Variants in CNOT6 observed in about 807,000 individuals in gnomAD.
The protein encoded by CNOT6 is CCR4-NOT transcription complex subunit 6, also known as carbon catabolite repression 4 protein.
Under a neutral mutation model 61.2 loss-of-function variants are expected in CNOT6, and 12 were observed. The observed-to-expected ratio is 0.20, with a 90% CI of 0.13 to 0.32. The LOEUF (loss-of-function observed/expected upper bound fraction) is 0.32. CNOT6 is among the 10% of genes least tolerant of loss of function. CNOT6 has a pLI of 1.00. For missense variants in CNOT6, 405 were observed against 663.9 expected, an observed-to-expected ratio of 0.61 and a Z score of 4.28; for synonymous variants, 225 against 240.6, an observed-to-expected ratio of 0.94 and a Z score of 0.60.
At chr5:180,573,546 G>A (rs1417448572) in intron 11 of CNOT6, among the ~76,000 whole-genome samples, 1 of 143,634 alleles carries the variant, frequency 7.0e-6, no homozygotes, top group Non-Finnish European at 1.5e-5. Flanking sequence ...AATGGTGGAG[G>A]GGGGCAGTGT....
intron 1 of CNOT6, among the ~76,000 whole-genome samples, chr5:180,497,672 A>G (rs1398167058): frequency 2.0e-5 from 3 of 152,218 alleles, no homozygotes; most frequent in Admixed American, 2.0e-4. Context: ...TTGGATATGT[A>G]GATATCTTTA....
chr5:180,573,125 C>T (rs1274334656), intron 11 of CNOT6, among the ~76,000 whole-genome samples: 1 of 152,096 alleles, frequency 6.6e-6, no homozygotes, highest in South Asian at 2.1e-4. Context: ...GAATGCTTAG[C>T]GTTTTCTTTC....
At chr5:180,526,687 G>A (rs1758114803) in intron 1 of CNOT6, among the ~76,000 whole-genome samples, 1 of 152,170 alleles carries the variant, frequency 6.6e-6, no homozygotes, top group South Asian at 2.1e-4. Context: ...CTCCAGCTAT[G>A]TTTAGCTGCA....
At chr5:180,564,870 G>A in intron 6 of CNOT6, 127 bp downstream of exon 6, 3 of 718,238 alleles carry the variant, frequency 4.2e-6, no homozygotes, top group Non-Finnish European at 7.0e-6. Flanking sequence ...GGTTTGGGAG[G>A]TAATAAAAAA....
intron 7 of CNOT6, 138 bp from the exon 8 acceptor site, chr5:180,566,950 G>A: frequency 1.2e-6 from 1 of 808,328 alleles, no homozygotes; most frequent in Non-Finnish European, 1.9e-6. Context: ...CACCATGCCC[G>A]GCCCGGAAAG....
chr5:180,564,408 T>G lies in CNOT6; in HGVS notation c.386-81T>G, dbSNP rs1760347704. ...GTAACTATAACATAGTTATGGATGA[T>G]CTGATAATTTTGATACATTTTAAAA... On this transcript the variant is annotated intron_variant, in intron 4 of 11. Coordinates refer to ENST00000261951, the MANE Select transcript of CNOT6 (RefSeq NM_001370472.1). 8 of 896,050 alleles carry G rather than the reference T, an allele frequency of 8.9e-6. No homozygotes were observed. The South Asian group carries it at 1.2e-4, about 13-fold the overall frequency. The allele number at this position is 896,050 out of a possible 1,614,324, so 55.5% of individuals were successfully genotyped here.
At chr5:180,495,860 T>C (rs1221256499) in intron 1 of CNOT6, 1 of 152,254 alleles carries the variant, frequency 6.6e-6, no homozygotes, top group African/African-American at 2.4e-5. Flanking sequence ...CAAAAGGGTT[T>C]AAAGGCTTTT....
intron 1 of CNOT6, among the ~76,000 whole-genome samples, chr5:180,499,316 A>G (rs563400013): frequency 1.3e-5 from 2 of 152,386 alleles, no homozygotes; most frequent in East Asian, 1.9e-4. Context: ...TAGGCAGGCT[A>G]TAGACCTTAA....
intron 5 of CNOT6, 33 bp downstream of exon 5, chr5:180,564,626 G>A (rs759089279): frequency 1.2e-6 from 2 of 1,607,946 alleles, no homozygotes; most frequent in East Asian, 4.5e-5. Flanking sequence ...CTTTTTATTA[G>A]GAAGACGTGT....
intron 1 of CNOT6, among the ~76,000 whole-genome samples, chr5:180,518,172 A>T (rs1757731400): frequency 1.3e-5 from 2 of 152,022 alleles, no homozygotes; most frequent in Non-Finnish European, 2.9e-5. Context: ...TTTCATTGTG[A>T]TTATGATTCT....
chr5:180,509,524 A>G (rs758388599), intron 1 of CNOT6, among the ~76,000 whole-genome samples: 2 of 150,300 alleles, frequency 1.3e-5, no homozygotes, highest in Admixed American at 6.6e-5. Context: ...TCTCATTGCA[A>G]CCTCTGCCTC....
chr5:180,495,086 C>T (rs917367903), intron 1 of CNOT6, among the ~76,000 whole-genome samples: 1 of 152,218 alleles, frequency 6.6e-6, no homozygotes, highest in Admixed American at 6.5e-5. Context: ...GAGGCGAGTC[C>T]GTGTCCCGGG....
chr5:180,517,379 T>G (rs1365155690), intron 1 of CNOT6, among the ~76,000 whole-genome samples: 1 of 152,160 alleles, frequency 6.6e-6, no homozygotes, highest in Non-Finnish European at 1.5e-5. Context: ...TCTGCTCACC[T>G]CAGCCTCCTG....
chr5:180,541,084 T>G (rs1254406480), intron 2 of CNOT6, among the ~76,000 whole-genome samples: 1 of 152,108 alleles, frequency 6.6e-6, no homozygotes, highest in Non-Finnish European at 1.5e-5. Flanking sequence ...AAATCTAGAT[T>G]GACAGTTCAT....
intron 1 of CNOT6, among the ~76,000 whole-genome samples, chr5:180,527,353 A>G (rs1292170048): frequency 6.6e-6 from 1 of 152,108 alleles, no homozygotes; most frequent in African/African-American, 2.4e-5. Context: ...GATTTGTTCA[A>G]GATATTTGGT....
At chr5:180,552,682 G>T (rs142516298) in intron 3 of CNOT6, among the ~76,000 whole-genome samples, 1 of 151,800 alleles carries the variant, frequency 6.6e-6, no homozygotes, top group Non-Finnish European at 1.5e-5. Flanking sequence ...AACTGCATGC[G>T]TTACATTGCC....
chr5:180,569,371 A>AT (rs762660575), intron 10 of CNOT6, 31 bp downstream of exon 10: 2 of 1,442,378 alleles, frequency 1.4e-6, no homozygotes, highest in Non-Finnish European at 1.9e-6. Context: ...TATGTAGAAT[A>AT]TTTTTTGACA....
intron 4 of CNOT6, among the ~76,000 whole-genome samples, chr5:180,562,467 G>A (rs747752181): frequency 2.4e-4 from 36 of 152,122 alleles, no homozygotes; most frequent in Admixed American, 8.5e-4. Flanking sequence ...CTGGCCGGGC[G>A]CGGTGGCTCA....
chr5:180,559,844 A>G (rs982871591), intron 4 of CNOT6, among the ~76,000 whole-genome samples: 2 of 152,130 alleles, frequency 1.3e-5, no homozygotes, highest in African/African-American at 4.8e-5. Flanking sequence ...TACCAGTTCA[A>G]GGGAAATATC....
Sources: allele counts gnomAD v4.1 joint callset (sites outside exome capture counted in the v4.1 genomes callset), GRCh38; gene constraint gnomAD v4.1.1; transcripts MANE v1.5; gene names NCBI Gene and HGNC (gene_info 2026-07-23, HGNC 2026-07-21).